The following TRAF6 variants were observed in gnomAD, a reference collection of about 807,000 sequenced individuals.
The protein encoded by TRAF6 is TNF receptor-associated factor 6.
A neutral mutation model predicts 48.4 loss-of-function variants in TRAF6; 10 were observed. The ratio of observed to expected loss-of-function variants is 0.21; its 90% confidence interval spans 0.13 to 0.35. The LOEUF is 0.35. Among genes scored for constraint, TRAF6 ranks in the 10% least tolerant of loss-of-function variants. The pLI is 1.00. For synonymous variants in TRAF6, 186 were observed against 219.6 expected (o/e 0.85, Z 1.35); for missense variants, 397 against 661.0 (o/e 0.60, Z 4.38).
chr11:36,489,961 T>A lies in TRAF6; in HGVS notation c.1446A>T (p.Leu482=). 6.2e-7 allele frequency: 1 copy of A among 1,614,174 alleles called. No individual in the cohort carries two copies. The highest frequency in any genetic ancestry group is 8.5e-7 in the Non-Finnish European group (1 of 1,180,030). Residue 482 remains leucine, a synonymous_variant, in exon 7 of 7, where the codon CTA becomes CTT. Transcript: ENST00000526995. ...GYVTFMHLEA[L]RQRTFIKDDT... is the part of the protein sequence containing the mutation. The stretch of plus-strand genomic sequence containing the variant: ...CATCCTTAATGAAAGTTCTTTGTCT[T>A]AGGGCTTCCAGATGCATAAAAGTTA...
At chr11:36,506,014 AG>A (rs1354656540) in intron 1 of TRAF6, among the ~76,000 whole-genome samples, 1 of 152,216 alleles carries the variant, frequency 6.6e-6, no homozygotes, top group Non-Finnish European at 1.5e-5. Context: ...GACATAATAA[AG>A]TTTAAAATAT....
rs376945338 is a variant in TRAF6, at chr11:36,492,567, A to G, written c.740T>C (p.Phe247Ser). The stretch of plus-strand genomic sequence containing the variant: ...AAACCTTACCTTTTCATGGCAACCA[A>G]AAGTACTGAATGTGCATGGAATTGG... ...TAPIPCTFSTFGCHEKMQRNH... is the reference protein window; with the variant it reads ...TAPIPCTFSTSGCHEKMQRNH... The change falls in exon 6 of 7, where the codon TTT becomes TCT. Residue 247 changes from phenylalanine (F) to serine (S), a missense_variant. Coordinates refer to ENST00000526995, the MANE Select transcript of TRAF6 (RefSeq NM_004620.4). 1.9e-5 allele frequency: 31 copies of G among 1,608,800 alleles called. No homozygotes were observed.
chr11:36,495,707 AC>A (rs1859621138), intron 4 of TRAF6, among the ~76,000 whole-genome samples: 1 of 152,116 alleles, frequency 6.6e-6, no homozygotes, highest in South Asian at 2.1e-4. Flanking sequence ...AGCCTGACCA[AC>A]ATGGAGAAAC....
chr11:36,499,730 T>G (rs1199022261), intron 2 of TRAF6, among the ~76,000 whole-genome samples: 1 of 152,040 alleles, frequency 6.6e-6, no homozygotes, highest in Non-Finnish European at 1.5e-5. Flanking sequence ...TTAAGCCAAG[T>G]CCCGAGTATG....
intron 1 of TRAF6, among the ~76,000 whole-genome samples, chr11:36,503,586 T>G (rs1269013963): frequency 1.3e-5 from 2 of 152,020 alleles, no homozygotes; most frequent in African/African-American, 4.8e-5. Flanking sequence ...CCGGCTGTGG[T>G]TTATTTAGTT....
In TRAF6 at chr11:36,485,091, C is replaced by T. The variant is rs1283556588; in HGVS notation, c.*4747G>A. Among the ~76,000 whole-genome samples, 1 of 151,568 alleles carries T rather than the reference C, an allele frequency of 6.6e-6. No individual in the cohort carries two copies. Among genetic ancestry groups the T allele is most frequent in the Non-Finnish European group, 1.5e-5 (1 of 68,008 alleles). ...AAGTCTCATTAAAAGTAACATCTATCAAGTGATAAAGCAAATGTAACATAA... is the reference window on the plus strand; with the variant it reads ...AAGTCTCATTAAAAGTAACATCTATTAAGTGATAAAGCAAATGTAACATAA... On this transcript the variant is annotated 3_prime_UTR_variant, in exon 7 of 7. Coordinates refer to ENST00000526995, the MANE Select transcript of TRAF6 (RefSeq NM_004620.4).
rs1859482361 is a variant in TRAF6, at chr11:36,486,263, T to A, written c.*3575A>T. On this transcript the variant is annotated 3_prime_UTR_variant, in exon 7 of 7. Coordinates refer to ENST00000526995, the MANE Select transcript of TRAF6 (RefSeq NM_004620.4). Reference sequence around the variant, plus strand: ...CATTTTGGCCAGGCTGGTCTCGAACTCCTGGCTTCAAGTAATCCGCCAGCC... The same window carrying A: ...CATTTTGGCCAGGCTGGTCTCGAACACCTGGCTTCAAGTAATCCGCCAGCC... 6.6e-6 allele frequency among the ~76,000 whole-genome samples: 1 copy of A among 152,130 alleles called. No individual in the cohort carries two copies. The highest frequency in any genetic ancestry group is 2.1e-4 in the South Asian group (1 of 4,826).
At chr11:36,492,442 A>G (rs1410768076) in intron 6 of TRAF6, 109 bp downstream of exon 6, 7 of 940,886 alleles carry the variant, frequency 7.4e-6, no homozygotes, top group Non-Finnish European at 1.1e-5. Flanking sequence ...TATATCACTT[A>G]TTACACTGCT....
In TRAF6 at chr11:36,490,882, T is replaced by C. The variant is rs1457022089; in HGVS notation, c.757-232A>G. ...CTCCCAGCTTTCACTCACATAAATC[T>C]CCCTCCCACCTACAAAAAATGTATT... On this transcript the variant is annotated intron_variant, in intron 6 of 6. Transcript: ENST00000526995. The surrounding 1 kb of genome is among the most constrained non-coding windows in gnomAD (Gnocchi z 6.4). 1.3e-5 allele frequency among the ~76,000 whole-genome samples: 2 copies of C among 152,020 alleles called. No homozygotes were observed. The highest frequency in any genetic ancestry group is 2.9e-5 in the Non-Finnish European group (2 of 68,006).
At position 36,488,041 on chromosome 11, in the gene TRAF6, A is replaced by C. The variant is rs926159080; in HGVS notation, c.*1797T>G. ...CGCAAATACAAAAATACTACTGTTC[A>C]GTTTTTAAATGGAACTTGACAATTA... is the stretch of plus-strand genomic sequence containing the variant. On this transcript the variant is annotated 3_prime_UTR_variant, in exon 7 of 7. Coordinates refer to ENST00000526995, the MANE Select transcript of TRAF6 (RefSeq NM_004620.4). The C allele has an allele frequency of 3.9e-5, 6 of 152,204 alleles. No homozygotes were observed. Among genetic ancestry groups the C allele is most frequent in the African/African-American group, 1.2e-4 (5 of 41,456 alleles). The allele number at this position is 152,204 out of a possible 1,614,324, so 9.4% of individuals were successfully genotyped here.
intron 1 of TRAF6, among the ~76,000 whole-genome samples, chr11:36,505,212 GAAC>G (rs1236197836): frequency 6.6e-6 from 1 of 152,150 alleles, no homozygotes; most frequent in Admixed American, 6.5e-5. Flanking sequence ...CTGTAGCTAT[GAAC>G]ATCCTAGGTG....
chr11:36,499,554 G>C (rs1359081202), intron 2 of TRAF6, among the ~76,000 whole-genome samples: 1 of 152,078 alleles, frequency 6.6e-6, no homozygotes, highest in Non-Finnish European at 1.5e-5. Flanking sequence ...AGCCGAGATC[G>C]CGCCACTGCA....
chr11:36,497,050 C>T (rs1859647217), intron 4 of TRAF6, 58 bp downstream of exon 4: 2 of 1,572,688 alleles, frequency 1.3e-6, no homozygotes, highest in Admixed American at 1.8e-5. Context: ...CTCAAGTACA[C>T]ATTTAAGAAC....
At chr11:36,505,567 T>C (rs1179330259) in intron 1 of TRAF6, among the ~76,000 whole-genome samples, 1 of 152,188 alleles carries the variant, frequency 6.6e-6, no homozygotes, top group Non-Finnish European at 1.5e-5. Context: ...TACAACTTTC[T>C]CCATATCAGC....
intron 1 of TRAF6, among the ~76,000 whole-genome samples, chr11:36,509,713 G>A (rs1030080230): frequency 6.6e-6 from 1 of 152,150 alleles, no homozygotes; most frequent in Admixed American, 6.5e-5. Flanking sequence ...AGAGGTCAGG[G>A]GACAGGGAAC....
chr11:36,506,363 T>C (rs775713007), intron 1 of TRAF6, among the ~76,000 whole-genome samples: 5 of 152,178 alleles, frequency 3.3e-5, no homozygotes, highest in African/African-American at 4.8e-5. Flanking sequence ...ACAGTATATA[T>C]GCAAGAGTCC....
At chr11:36,509,576 C>CAACT (rs1859871616) in intron 1 of TRAF6, among the ~76,000 whole-genome samples, 1 of 152,110 alleles carries the variant, frequency 6.6e-6, no homozygotes, top group African/African-American at 2.4e-5. Flanking sequence ...AAGGAGCGGA[C>CAACT]AACTGCAGGA....
chr11:36,488,968 A>T lies in TRAF6; in HGVS notation c.*870T>A, dbSNP rs1859525045. The T allele has an allele frequency of 6.6e-6, 1 of 152,188 alleles. No homozygotes were observed. Among genetic ancestry groups the T allele is most frequent in the South Asian group, 2.1e-4 (1 of 4,828 alleles). 9.4% of individuals were successfully genotyped at this position (152,188 alleles called of 1,614,324 possible). The stretch of plus-strand genomic sequence containing the variant: ...GTCACTTTTAATTTTTATGTTGCTG[A>T]TTGTATGTGTGCATCTCCTGTCTTG... On this transcript the variant is annotated 3_prime_UTR_variant, in exon 7 of 7. Transcript: ENST00000526995.
intron 1 of TRAF6, among the ~76,000 whole-genome samples, chr11:36,505,999 T>C (rs1211171412): frequency 6.6e-6 from 1 of 152,248 alleles, no homozygotes; most frequent in Non-Finnish European, 1.5e-5. Flanking sequence ...CAGATCACTA[T>C]AACAGACATA....
Sources: gnomAD v4.1 joint callset for allele counts (sites outside exome capture counted in the v4.1 genomes callset) on GRCh38, gnomAD v4.1.1 for gene constraint, Gnocchi (gnomAD v3.1) non-coding constraint, MANE v1.5 for transcripts, NCBI Gene and HGNC (gene_info 2026-07-23, HGNC 2026-07-21) for gene names.